The following SEC24D variants were observed in gnomAD, a reference collection of about 807,000 sequenced individuals.
SEC24D encodes SEC24 homolog D, COPII component.
A neutral mutation model predicts 116.9 loss-of-function variants in SEC24D; 69 were observed. The ratio of observed to expected loss-of-function variants is 0.59; its 90% confidence interval spans 0.49 to 0.72. The LOEUF (loss-of-function observed/expected upper bound fraction) is 0.72, where lower values mean the gene tolerates loss of function less well. Ranked by LOEUF, SEC24D falls within the 30% of genes least tolerant of loss-of-function variation. The pLI, the probability that SEC24D is intolerant of heterozygous loss-of-function variation, is 0.00. For synonymous variants in SEC24D, 405 were observed against 442.8 expected (o/e 0.91, Z 1.07); for missense variants, 1,131 against 1,264.1 (o/e 0.89, Z 1.60).
intron 8 of SEC24D, among the ~76,000 whole-genome samples, chr4:118,784,024 G>A (rs770339498): frequency 1.8e-4 from 28 of 152,302 alleles, no homozygotes; most frequent in African/African-American, 6.5e-4. Context: ...CCAACATGGC[G>A]AAACCTTGTC....
At chr4:118,768,776 A>G (rs1727762517) in intron 8 of SEC24D, among the ~76,000 whole-genome samples, 3 of 152,072 alleles carry the variant, frequency 2.0e-5, no homozygotes, top group Admixed American at 2.0e-4. Context: ...ACATGAATTC[A>G]AAGCCATAAG....
chr4:118,796,901 C>T (rs1024855892), intron 8 of SEC24D, among the ~76,000 whole-genome samples: 1 of 152,188 alleles, frequency 6.6e-6, no homozygotes, highest in African/African-American at 2.4e-5. Context: ...ATCTGTGGTT[C>T]GGCCTAGCTT....
chr4:118,726,164 A>T (rs1242044362), intron 22 of SEC24D, among the ~76,000 whole-genome samples: 1 of 152,198 alleles, frequency 6.6e-6, no homozygotes, highest in East Asian at 1.9e-4. Flanking sequence ...TGGCTGACTC[A>T]CAGGGAATCG....
At chr4:118,775,809 G>A (rs1560677139) in intron 8 of SEC24D, among the ~76,000 whole-genome samples, 1 of 152,022 alleles carries the variant, frequency 6.6e-6, no homozygotes. Context: ...ATTCTATCAC[G>A]TTTTACCAAT....
At chr4:118,806,511 A>G (rs1331957676) in intron 6 of SEC24D, among the ~76,000 whole-genome samples, 1 of 151,682 alleles carries the variant, frequency 6.6e-6, no homozygotes, top group Non-Finnish European at 1.5e-5. Context: ...ATCTTTTTGT[A>G]GAGACAGGGT....
intron 13 of SEC24D, among the ~76,000 whole-genome samples, chr4:118,748,752 T>G (rs1726670067): frequency 6.6e-6 from 1 of 152,074 alleles, no homozygotes; most frequent in African/African-American, 2.4e-5. Flanking sequence ...GTATCACAAC[T>G]TTAAGTATCC....
At position 118,756,743 on chromosome 4, in the gene SEC24D, C is replaced by T. The variant is rs140468983; in HGVS notation, c.1421+978G>A. 1.6e-3 allele frequency among the ~76,000 whole-genome samples: 239 copies of T among 152,300 alleles called. 1 individual carries two copies. The highest frequency in any genetic ancestry group is 5.4e-3 in the African/African-American group (225 of 41,570). ...ATTTCCTCGCATGAGGGATGGCATTCTCCCTGCTCATGAATCTCCTTACTA... is the reference window on the plus strand; with the variant it reads ...ATTTCCTCGCATGAGGGATGGCATTTTCCCTGCTCATGAATCTCCTTACTA... On this transcript the variant is annotated intron_variant, in intron 11 of 22. Transcript: ENST00000280551.
chr4:118,758,935 T>C (rs1727239053), intron 10 of SEC24D, among the ~76,000 whole-genome samples: 1 of 152,198 alleles, frequency 6.6e-6, no homozygotes, highest in Non-Finnish European at 1.5e-5. Flanking sequence ...TTGCAAATCA[T>C]TCCTGATTCA....
intron 2 of SEC24D, among the ~76,000 whole-genome samples, chr4:118,829,622 G>C (rs935483731): frequency 1.3e-5 from 2 of 152,142 alleles, no homozygotes; most frequent in Non-Finnish European, 2.9e-5. Context: ...AGACCAGCCT[G>C]ACCAACACAG....
chr4:118,751,137 C>T (rs1388986523), intron 13 of SEC24D, among the ~76,000 whole-genome samples: 2 of 145,328 alleles, frequency 1.4e-5, no homozygotes, highest in East Asian at 4.2e-4. Context: ...AATGGTTTGA[C>T]TCTTGTGTTA....
At chr4:118,747,632 TAA>T (rs1553923563) in intron 13 of SEC24D, among the ~76,000 whole-genome samples, 1 of 151,892 alleles carries the variant, frequency 6.6e-6, no homozygotes, top group Non-Finnish European at 1.5e-5. Context: ...TATAAAGCTT[TAA>T]AAAAAAGTCT....
At chr4:118,750,146 T>C (rs1197753530) in intron 13 of SEC24D, among the ~76,000 whole-genome samples, 1 of 152,202 alleles carries the variant, frequency 6.6e-6, no homozygotes, top group Non-Finnish European at 1.5e-5. Context: ...AGTTGGACTC[T>C]AGTAAACTGG....
chr4:118,794,948 C>T (rs534145048), intron 8 of SEC24D, among the ~76,000 whole-genome samples: 2 of 149,416 alleles, frequency 1.3e-5, no homozygotes, highest in East Asian at 3.9e-4. Flanking sequence ...CATTTACATA[C>T]TTTTTTTTTG....
At chr4:118,813,728 T>A (rs547052163) in intron 6 of SEC24D, among the ~76,000 whole-genome samples, 2 of 152,240 alleles carry the variant, frequency 1.3e-5, no homozygotes, top group African/African-American at 2.4e-5. Context: ...ACCACAGCAC[T>A]TGCCAACATA....
intron 6 of SEC24D, among the ~76,000 whole-genome samples, chr4:118,808,932 T>G (rs1239607006): frequency 4.0e-5 from 6 of 151,870 alleles, no homozygotes; most frequent in African/African-American, 1.5e-4. Flanking sequence ...CAAGATCATG[T>G]GAATTTTGGA....
At chr4:118,759,400 A>G (rs1727260182) in intron 10 of SEC24D, among the ~76,000 whole-genome samples, 1 of 152,172 alleles carries the variant, frequency 6.6e-6, no homozygotes, top group African/African-American at 2.4e-5. Context: ...GTGCCTAGAT[A>G]ACTGTCATGG....
chr4:118,769,545 A>G (rs1727801076), intron 8 of SEC24D, among the ~76,000 whole-genome samples: 1 of 152,138 alleles, frequency 6.6e-6, no homozygotes. Flanking sequence ...TAGGGGCATC[A>G]GGCCGTTTTC....
At chr4:118,784,118 T>C (rs1419670620) in intron 8 of SEC24D, among the ~76,000 whole-genome samples, 1 of 152,236 alleles carries the variant, frequency 6.6e-6, no homozygotes, top group Non-Finnish European at 1.5e-5. Context: ...GCAAATCATC[T>C]TTGGTGAGTT....
At chr4:118,743,228 T>C (rs183243620) in intron 15 of SEC24D, among the ~76,000 whole-genome samples, 34 of 152,190 alleles carry the variant, frequency 2.2e-4, no homozygotes, top group African/African-American at 7.7e-4. Context: ...ATAAAATATA[T>C]TTTTCTCCAT....
Sources: allele counts gnomAD v4.1 joint callset (sites outside exome capture counted in the v4.1 genomes callset), GRCh38; gene constraint gnomAD v4.1.1; transcripts MANE v1.5; gene names NCBI Gene and HGNC (gene_info 2026-07-23, HGNC 2026-07-21).